Variants in TPD52 observed in about 807,000 individuals in gnomAD.
TPD52 encodes the protein tumor protein D52.
In TPD52, 17 loss-of-function variants were observed where a neutral mutation model predicts 31.3. The observed-to-expected ratio is 0.54, with a 90% confidence interval of 0.37 to 0.82. The LOEUF is 0.82. Ranked by LOEUF, TPD52 falls within the 40% of genes least tolerant of loss-of-function variation. TPD52 has a pLI of 0.00. For missense variants in TPD52, 212 were observed against 240.1 expected (o/e 0.88, Z 0.77); for synonymous variants, 83 against 89.6 (o/e 0.93, Z 0.42).
At chr8:80,150,495 G>C (rs1178524400) in intron 1 of TPD52, among the ~76,000 whole-genome samples, 1 of 152,166 alleles carries the variant, frequency 6.6e-6, no homozygotes, top group East Asian at 1.9e-4. Flanking sequence ...AGCTTGCACT[G>C]TGTACCTGGA....
chr8:80,145,628 T>C (rs1020740335), intron 1 of TPD52, among the ~76,000 whole-genome samples: 2 of 152,202 alleles, frequency 1.3e-5, no homozygotes, highest in African/African-American at 4.8e-5. Context: ...AAGTTACTAT[T>C]AGACAGGAAC....
chr8:80,051,710 A>C, intron 3 of TPD52, 82 bp from the exon 4 acceptor site: 4 of 1,100,238 alleles, frequency 3.6e-6, no homozygotes, highest in Non-Finnish European at 5.2e-6. Flanking sequence ...TGCAGTGGTC[A>C]CCACCTGCTG....
rs369748020 is a variant in TPD52, at chr8:80,110,018, A to G, written c.20-45425T>C. ...GTGTGGACCACTCAGGGAGTTCACC[A>G]AAATGCCCACTGCCATAACTAGGGG... On this transcript the variant is annotated intron_variant, in intron 1 of 7. Transcript: ENST00000518937. Among the ~76,000 whole-genome samples, 11 of 152,314 alleles carry G rather than the reference A, an allele frequency of 7.2e-5. 1 individual carries two copies. The South Asian group carries it at 1.0e-3, about 14-fold the overall frequency.
At chr8:80,082,632 A>G (rs1030444009) in intron 1 of TPD52, among the ~76,000 whole-genome samples, 1 of 152,164 alleles carries the variant, frequency 6.6e-6, no homozygotes, top group African/African-American at 2.4e-5. Flanking sequence ...ATCCTTCAAC[A>G]CTGAGGCAGA....
At chr8:80,044,890 T>C (rs1326565013) in intron 5 of TPD52, among the ~76,000 whole-genome samples, 3 of 152,262 alleles carry the variant, frequency 2.0e-5, no homozygotes, top group South Asian at 4.1e-4. Flanking sequence ...GTATTAATTC[T>C]CAGTTATATT....
chr8:80,145,326 T>A (rs1485148020), intron 1 of TPD52, among the ~76,000 whole-genome samples: 1 of 152,224 alleles, frequency 6.6e-6, no homozygotes, highest in Non-Finnish European at 1.5e-5. Context: ...AAGTGATGAA[T>A]CTATGTGAAG....
chr8:80,075,042 C>CGA (rs1431088423), intron 1 of TPD52, among the ~76,000 whole-genome samples: 2 of 151,908 alleles, frequency 1.3e-5, no homozygotes, highest in African/African-American at 4.8e-5. Flanking sequence ...TGCAGTGGCG[C>CGA]GATCTTGGCT....
chr8:80,164,428 G>C (rs1460959581), intron 1 of TPD52, among the ~76,000 whole-genome samples: 1 of 152,174 alleles, frequency 6.6e-6, no homozygotes, highest in African/African-American at 2.4e-5. Flanking sequence ...TGGCCAATTG[G>C]AGGTGGAGGT....
chr8:80,033,700 C>A (rs1210025989), downstream of TPD52, among the ~76,000 whole-genome samples: 1 of 152,148 alleles, frequency 6.6e-6, no homozygotes, highest in Non-Finnish European at 1.5e-5. Flanking sequence ...GTAGGGTGAG[C>A]AAGGCAGAGA....
chr8:80,160,889 C>CAAAAA (rs58923055), intron 1 of TPD52, among the ~76,000 whole-genome samples: 45 of 95,088 alleles, frequency 4.7e-4, no homozygotes, highest in African/African-American at 1.0e-3. Flanking sequence ...ACTAAAAATA[C>CAAAAA]AAAAAAAAAA....
chr8:80,034,380 A>C (rs1014863771), downstream of TPD52, among the ~76,000 whole-genome samples: 2 of 151,624 alleles, frequency 1.3e-5, no homozygotes, highest in Non-Finnish European at 2.9e-5. Context: ...TGCTGGGATC[A>C]CCTATTGCCG....
intron 1 of TPD52, among the ~76,000 whole-genome samples, chr8:80,086,901 A>C (rs1815840127): frequency 6.7e-6 from 1 of 148,862 alleles, no homozygotes; most frequent in African/African-American, 2.6e-5. Context: ...AAAAAAAAAA[A>C]AAAAAAAATC....
At chr8:80,081,435 C>T (rs1414797098) in intron 1 of TPD52, among the ~76,000 whole-genome samples, 1 of 152,086 alleles carries the variant, frequency 6.6e-6, no homozygotes, top group African/African-American at 2.4e-5. Context: ...TTGGCTCAAG[C>T]AACAGCAATT....
intron 3 of TPD52, chr8:80,053,028 A>G: frequency 2.9e-6 from 1 of 350,084 alleles, no homozygotes; most frequent in Non-Finnish European, 5.2e-6. Flanking sequence ...AAGTCAATAC[A>G]TAACACTTAT....
rs2130316395 is a variant in TPD52, at chr8:80,036,834, A to G, written c.*1282T>C. 6.5e-6 allele frequency: 1 copy of G among 152,700 alleles called. No individual in the cohort carries two copies. Among genetic ancestry groups the G allele is most frequent in the East Asian group, 1.9e-4 (1 of 5,194 alleles). The allele number at this position is 152,700 out of a possible 1,614,324, so 9.5% of individuals were successfully genotyped here. A position where few individuals can be genotyped will look rare whatever the true frequency, so the allele number is the denominator to read the frequency against. ...GCAGTTAACATTTGGCATAAACAAT[A>G]ATAAAACAATCACAATTTAATAAAT... On this transcript the variant is annotated 3_prime_UTR_variant, in exon 8 of 8. Coordinates refer to ENST00000518937, the MANE Select transcript of TPD52 (RefSeq NM_001025253.3).
intron 1 of TPD52, among the ~76,000 whole-genome samples, chr8:80,096,756 G>A (rs1290558448): frequency 1.3e-5 from 2 of 152,128 alleles, no homozygotes; most frequent in Non-Finnish European, 2.9e-5. Context: ...TGCTCTGACT[G>A]TTCCACAAAC....
intron 1 of TPD52, among the ~76,000 whole-genome samples, chr8:80,107,140 C>T (rs1004365323): frequency 2.0e-5 from 3 of 152,248 alleles, no homozygotes; most frequent in African/African-American, 4.8e-5. Context: ...CGTGAGCCAC[C>T]ATGCCCGGCC....
At chr8:80,127,835 C>G (rs1397770753) in intron 1 of TPD52, among the ~76,000 whole-genome samples, 2 of 37,712 alleles carry the variant, frequency 5.3e-5, no homozygotes, top group Non-Finnish European at 1.2e-4. Flanking sequence ...CACACACACA[C>G]ACAGAGATAC....
Position 80,050,450 on chromosome 8 carries a change from G to A in TPD52, c.408C>T (p.Ser136=). ...ATGGTTCAAACTCTCCTTACCTAAA[G>A]GAATGTGAAAAGGCTTGCAATCTGT... ...EDVKLQAFSH[S]FSIRSIQHSI... is the part of the protein sequence containing the mutation. Residue 136 remains serine, a synonymous_variant, in exon 5 of 8, where the codon TCC becomes TCT. Transcript: ENST00000518937. 1 of 1,606,622 alleles carries A rather than the reference G, an allele frequency of 6.2e-7. No individual in the cohort carries two copies. The highest frequency in any genetic ancestry group is 8.5e-7 in the Non-Finnish European group (1 of 1,176,774).
Sources: allele counts gnomAD v4.1 joint callset (sites outside exome capture counted in the v4.1 genomes callset), GRCh38; gene constraint gnomAD v4.1.1; transcripts MANE v1.5; gene names NCBI Gene and HGNC (gene_info 2026-07-23, HGNC 2026-07-21).